The following BTRC variants were observed in gnomAD, a reference collection of about 807,000 sequenced individuals.
BTRC encodes beta-transducin repeat containing E3 ubiquitin protein ligase, also known as F-box/WD repeat-containing protein 1A.
In BTRC, 42 loss-of-function variants were observed where a neutral mutation model predicts 85.5. The ratio of observed to expected loss-of-function variants is 0.49; its 90% CI spans 0.38 to 0.64. The LOEUF is 0.64. Among genes scored for constraint, BTRC ranks in the 30% least tolerant of loss-of-function variants. The probability of loss-of-function intolerance (pLI) is 0.00; values close to 1 mark genes in which losing one functional copy is unlikely to be tolerated. For synonymous variants in BTRC, 255 were observed against 263.3 expected (o/e 0.97, Z 0.30); for missense variants, 594 against 743.5 (o/e 0.80, Z 2.34).
At chr10:101,480,866 A>G (rs1216510409) in intron 4 of BTRC, among the ~76,000 whole-genome samples, 1 of 152,204 alleles carries the variant, frequency 6.6e-6, no homozygotes, top group African/African-American at 2.4e-5. Flanking sequence ...CATATTTTTC[A>G]GTCATTTAGT....
intron 14 of BTRC, chr10:101,551,112 T>A (rs2134484250): frequency 4.9e-6 from 2 of 411,584 alleles, no homozygotes; most frequent in South Asian, 1.6e-4. Context: ...GGGTCCTACT[T>A]GTGTGGTAAG....
intron 13 of BTRC, among the ~76,000 whole-genome samples, chr10:101,542,577 G>A (rs537717267): frequency 2.0e-5 from 3 of 151,914 alleles, no homozygotes; most frequent in African/African-American, 4.8e-5. Flanking sequence ...CTTTTGCTTC[G>A]TGGTTTTTGT....
In BTRC at chr10:101,555,059, C is replaced by T. The variant is rs897524442; in HGVS notation, c.*1936C>T. On this transcript the variant is annotated 3_prime_UTR_variant, in exon 15 of 15. Coordinates refer to ENST00000370187, the MANE Select transcript of BTRC (RefSeq NM_033637.4). The stretch of plus-strand genomic sequence containing the variant: ...CAATGTAATTCCCTTCCCAGCTACC[C>T]AAATGCTACAGAGAAATGTTTTCTA... 2 of 152,260 alleles carry T rather than the reference C, an allele frequency of 1.3e-5. No homozygotes were observed. The highest frequency in any genetic ancestry group is 4.8e-5 in the African/African-American group (2 of 41,450). 9.4% of individuals were successfully genotyped at this position (152,260 alleles called of 1,614,324 possible). A position where few individuals can be genotyped will look rare whatever the true frequency, so the allele number is the denominator to read the frequency against.
intron 4 of BTRC, among the ~76,000 whole-genome samples, chr10:101,501,943 C>A (rs1266098282): frequency 6.6e-6 from 1 of 152,122 alleles, no homozygotes; most frequent in Non-Finnish European, 1.5e-5. Context: ...ACAAACAAAC[C>A]ATTTTTAGTG....
intron 3 of BTRC, among the ~76,000 whole-genome samples, chr10:101,467,209 AC>A (rs774869773): frequency 6.7e-6 from 1 of 148,274 alleles, no homozygotes; most frequent in Non-Finnish European, 1.5e-5. Flanking sequence ...AAAAAAAAAA[AC>A]ACAGAATTTG....
At chr10:101,515,968 G>A (rs2062018688) in intron 4 of BTRC, among the ~76,000 whole-genome samples, 2 of 152,208 alleles carry the variant, frequency 1.3e-5, no homozygotes, top group Non-Finnish European at 2.9e-5. Context: ...GGGGGCTAGT[G>A]AGTCTCGTGA....
intron 1 of BTRC, among the ~76,000 whole-genome samples, chr10:101,426,665 A>T (rs555872344): frequency 2.6e-5 from 4 of 152,358 alleles, no homozygotes; most frequent in African/African-American, 7.2e-5. Context: ...GCAGATTTTT[A>T]TGTAAAACGG....
chr10:101,492,873 A>G (rs1212968101), intron 4 of BTRC, among the ~76,000 whole-genome samples: 4 of 152,198 alleles, frequency 2.6e-5, no homozygotes, highest in African/African-American at 7.2e-5. Flanking sequence ...ACTTGAATAC[A>G]TCTAGCCTGG....
At chr10:101,495,371 C>T (rs1049376000) in intron 4 of BTRC, among the ~76,000 whole-genome samples, 1 of 152,132 alleles carries the variant, frequency 6.6e-6, no homozygotes, top group Admixed American at 6.5e-5. Flanking sequence ...GTGAACTTTG[C>T]AAAACTGGCA....
Position 101,521,739 on chromosome 10 carries a change from A to G in BTRC, c.425A>G (p.Glu142Gly). 1.2e-6 allele frequency: 2 copies of G among 1,614,176 alleles called. No individual in the cohort carries two copies. Among genetic ancestry groups the G allele is most frequent in the Non-Finnish European group, 1.7e-6 (2 of 1,180,006 alleles). Residue 142 changes from glutamate (E) to glycine (G), a missense_variant, in exon 5 of 15, where the codon GAG becomes GGG. By Grantham distance (98) the Glu-to-Gly change is moderately conservative. This residue lies in a region of BTRC where 163 missense variants were observed against 180.5 expected (regional missense o/e 0.90). Coordinates refer to ENST00000370187, the MANE Select transcript of BTRC (RefSeq NM_033637.4). ...AAGGAACTGTGTGTCAAATACTTTG[A>G]GCAGTGGTCAGAGTCAGATCAAGTG... ...KEKELCVKYF[E>G]QWSESDQVEF...
chr10:101,509,059 C>T (rs1946621798), intron 4 of BTRC, among the ~76,000 whole-genome samples: 1 of 151,846 alleles, frequency 6.6e-6, no homozygotes, highest in Non-Finnish European at 1.5e-5. Context: ...AAAGGATGCT[C>T]AGGTGCCAAT....
At chr10:101,541,883 A>G (rs1237561517) in intron 13 of BTRC, among the ~76,000 whole-genome samples, 1 of 151,950 alleles carries the variant, frequency 6.6e-6, no homozygotes, top group African/African-American at 2.4e-5. Context: ...TGTAAGGGAT[A>G]TTGGTTTGTT....
At chr10:101,483,285 G>A (rs2134236806) in intron 4 of BTRC, among the ~76,000 whole-genome samples, 1 of 152,056 alleles carries the variant, frequency 6.6e-6, no homozygotes, top group South Asian at 2.1e-4. Flanking sequence ...GAAGAAAGAG[G>A]CCTAAGAAAA....
intron 4 of BTRC, among the ~76,000 whole-genome samples, chr10:101,496,279 C>T (rs1024158160): frequency 6.6e-6 from 1 of 152,124 alleles, no homozygotes; most frequent in Non-Finnish European, 1.5e-5. Flanking sequence ...TCCAAACTAG[C>T]ACCAATTTTT....
chr10:101,483,397 A>G (rs573961940), intron 4 of BTRC, among the ~76,000 whole-genome samples: 1 of 152,354 alleles, frequency 6.6e-6, no homozygotes, highest in South Asian at 2.1e-4. Context: ...GTTCAAGACC[A>G]GCCCAACCAA....
chr10:101,366,419 A>G (rs1942375269), intron 1 of BTRC, among the ~76,000 whole-genome samples: 1 of 152,116 alleles, frequency 6.6e-6, no homozygotes, highest in African/African-American at 2.4e-5. Flanking sequence ...CTTAAGGCGC[A>G]CTTTGTTAAG....
At chr10:101,494,667 A>G (rs1386317963) in intron 4 of BTRC, among the ~76,000 whole-genome samples, 1 of 152,216 alleles carries the variant, frequency 6.6e-6, no homozygotes, top group African/African-American at 2.4e-5. Context: ...TTTAACAAGA[A>G]TATGGAAAAG....
intron 3 of BTRC, among the ~76,000 whole-genome samples, chr10:101,475,473 C>A (rs1342178170): frequency 6.6e-6 from 1 of 152,092 alleles, no homozygotes; most frequent in Non-Finnish European, 1.5e-5. Context: ...CTGGGAGGTG[C>A]AGGTTACAGT....
chr10:101,503,939 C>T (rs536816604), intron 4 of BTRC, among the ~76,000 whole-genome samples: 4 of 152,226 alleles, frequency 2.6e-5, no homozygotes, highest in South Asian at 4.2e-4. Flanking sequence ...TATTTAAACC[C>T]GACTGTATTT....
Sources: allele counts gnomAD v4.1 joint callset (sites outside exome capture counted in the v4.1 genomes callset), GRCh38; gene constraint gnomAD v4.1.1; regional missense constraint gnomAD v4.1.1; transcripts MANE v1.5; gene names NCBI Gene and HGNC (gene_info 2026-07-23, HGNC 2026-07-21).